The following ZNHIT2 variants were observed in gnomAD, a reference collection of about 807,000 sequenced individuals.
The protein encoded by ZNHIT2 is zinc finger HIT domain-containing protein 2.
In ZNHIT2, 16 loss-of-function variants were observed where a neutral mutation model predicts 18.0. The ratio of observed to expected loss-of-function variants is 0.89; its 90% CI spans 0.60 to 1.35. The LOEUF (loss-of-function observed/expected upper bound fraction) is 1.35, where lower values mean the gene tolerates loss of function less well. ZNHIT2 is among the 40% of genes most tolerant of loss of function. The pLI, the probability that ZNHIT2 is intolerant of heterozygous loss-of-function variation, is 0.00. For synonymous variants in ZNHIT2, 336 were observed against 269.8 expected, an observed-to-expected ratio of 1.25 and a Z score of -2.41; for missense variants, 631 against 566.4, an observed-to-expected ratio of 1.11 and a Z score of -1.16.
Position 65,116,736 on chromosome 11 carries a change from C to A in ZNHIT2, c.918G>T (p.Thr306=), listed in dbSNP as rs1336879005. 6.2e-7 allele frequency: 1 copy of A among 1,612,054 alleles called. No homozygotes were observed. The highest frequency in any genetic ancestry group is 8.5e-7 in the Non-Finnish European group (1 of 1,178,690). Residue 306 remains threonine, a synonymous_variant, in exon 1 of 1, where the codon ACG becomes ACT. Coordinates refer to ENST00000310597, the MANE Select transcript of ZNHIT2 (RefSeq NM_014205.4). ...GTGCCAGGTCCCCCAGTGCTGCCAG[C>A]GTGTAGCCTTTCTGGTTGGTCGGGC... The part of the protein sequence containing the change: ...GEGPTNQKGY[T]LAALGDLAQT...
chr11:65,116,934 G>A lies in ZNHIT2; in HGVS notation c.720C>T (p.Phe240=). The change falls in exon 1 of 1, where the codon TTC becomes TTT. Residue 240 remains phenylalanine, a synonymous_variant. Coordinates refer to ENST00000310597, the MANE Select transcript of ZNHIT2 (RefSeq NM_014205.4). ...HGGDDALLSD[F]CATLLGVSGA... ...CGGAAACGCCGAGCAGTGTGGCACA[G>A]AAGTCAGAGAGCAGCGCGTCGTCAC... 6.3e-7 allele frequency: 1 copy of A among 1,597,444 alleles called. No individual in the cohort carries two copies. The highest frequency in any genetic ancestry group is 2.2e-5 in the East Asian group (1 of 44,604).
In ZNHIT2 at chr11:65,117,115, A is replaced by G; in HGVS notation, c.539T>C (p.Val180Ala). The G allele has an allele frequency of 6.3e-7, 1 of 1,582,532 alleles. No individual in the cohort carries two copies. The highest frequency in any genetic ancestry group is 2.3e-5 in the East Asian group (1 of 44,140). The change falls in exon 1 of 1, where the codon GTT (valine) becomes GCT (alanine). Residue 180 changes from valine to alanine, a missense_variant. Physicochemically the swap from Val to Ala is moderately conservative, Grantham distance 64 (BLOSUM62 0). Transcript: ENST00000310597. Reference protein sequence around the residue: ...SAAEPAAAERVLGDVPGACTP... With the variant: ...SAAEPAAAERALGDVPGACTP... ...GCAGGCCCCCGGGACATCTCCAAGA[A>G]CCCGCTCGGCGGCCGCGGGCTCCGC...
Position 65,117,447 on chromosome 11 carries a change from G to C in ZNHIT2, c.207C>G (p.Arg69=), listed in dbSNP as rs776154831. ...APPSRLASAL[R]RLRQQRETED... ...CGGTCTCGCGTTGCTGACGCAGCCG[G>C]CGTAGGGCGCTTGCTAGGCGGCTGG... Residue 69 remains arginine, a synonymous_variant, in exon 1 of 1, where the codon CGC becomes CGG. Coordinates refer to ENST00000310597, the MANE Select transcript of ZNHIT2 (RefSeq NM_014205.4). 1.2e-5 allele frequency: 19 copies of C among 1,526,138 alleles called. No homozygotes were observed. Among genetic ancestry groups the C allele is most frequent in the Non-Finnish European group, 1.7e-5 (19 of 1,143,964 alleles). The allele number at this position is 1,526,138 out of a possible 1,614,324, so 94.5% of individuals were successfully genotyped here. A position where few individuals can be genotyped will look rare whatever the true frequency, so the allele number is the denominator to read the frequency against.
chr11:65,116,617 C>T lies in ZNHIT2; in HGVS notation c.1037G>A (p.Trp346Ter). ...GAGGGCCGCCTCATTTTCGTTGGTC[C>T]AGGCCAGGAGGAACTGGCACTTTTT... Reference protein sequence around the residue: ...ARKKCQFLLAWTNENEAALTP... With the variant: ...ARKKCQFLLA Residue 346 changes from tryptophan to a stop codon, truncating the protein, a stop_gained, in exon 1 of 1, where the codon TGG (tryptophan) becomes TAG (stop). Coordinates refer to ENST00000310597, the MANE Select transcript of ZNHIT2 (RefSeq NM_014205.4). LOFTEE classifies it high-confidence loss of function. The T allele has an allele frequency of 1.2e-6, 2 of 1,613,472 alleles. No individual in the cohort carries two copies. Among genetic ancestry groups the T allele is most frequent in the Middle Eastern group, 1.7e-4 (1 of 6,060 alleles).
At position 65,117,677 on chromosome 11, in the gene ZNHIT2, T is replaced by C. The variant is rs1227501076; in HGVS notation, c.-24A>G. 9 of 1,362,816 alleles carry C rather than the reference T, an allele frequency of 6.6e-6. No individual in the cohort carries two copies. The highest frequency in any genetic ancestry group is 1.5e-5 in the African/African-American group (1 of 65,754). The allele number at this position is 1,362,816 out of a possible 1,614,324, so 84.4% of individuals were successfully genotyped here. On this transcript the variant is annotated 5_prime_UTR_variant, in exon 1 of 1. Coordinates refer to ENST00000310597, the MANE Select transcript of ZNHIT2 (RefSeq NM_014205.4). Reference sequence around the variant, plus strand: ...ATGGCAACTGGCACCGCGATCTACCTGCGAACGCACGCCGGTGGTAGTTCG... The same window carrying C: ...ATGGCAACTGGCACCGCGATCTACCCGCGAACGCACGCCGGTGGTAGTTCG...
At position 65,116,729 on chromosome 11, in the gene ZNHIT2, C is replaced by CT. The variant is rs772391917; in HGVS notation, c.924dup (p.Ala309SerfsTer19). 6.2e-7 allele frequency: 1 copy of CT among 1,612,774 alleles called. No homozygotes were observed. Among genetic ancestry groups the CT allele is most frequent in the Admixed American group, 1.7e-5 (1 of 60,004 alleles). On this transcript the variant is annotated frameshift_variant, in exon 1 of 1. Transcript: ENST00000310597. LOFTEE classifies it high-confidence loss of function. The stretch of plus-strand genomic sequence containing the variant: ...AGGGTCTGTGCCAGGTCCCCCAGTG[C>CT]TGCCAGCGTGTAGCCTTTCTGGTTG...
chr11:65,116,949 C>T lies in ZNHIT2; in HGVS notation c.705G>A (p.Ala235=), dbSNP rs1167578256. Residue 235 remains alanine, a synonymous_variant, in exon 1 of 1, where the codon GCG becomes GCA. Coordinates refer to ENST00000310597, the MANE Select transcript of ZNHIT2 (RefSeq NM_014205.4). ...TLALYHGGDD[A]LLSDFCATLL... is the part of the protein sequence containing the mutation. ...GTGTGGCACAGAAGTCAGAGAGCAG[C>T]GCGTCGTCACCGCCGTGATACAGGG... is the stretch of plus-strand genomic sequence containing the variant. 6.3e-7 allele frequency: 1 copy of T among 1,597,612 alleles called. No homozygotes were observed. Among genetic ancestry groups the T allele is most frequent in the Non-Finnish European group, 8.5e-7 (1 of 1,176,286 alleles).
Position 65,117,100 on chromosome 11 carries a change from G to T in ZNHIT2, c.554C>A (p.Pro185Gln). 1 of 1,591,250 alleles carries T rather than the reference G, an allele frequency of 6.3e-7. No homozygotes were observed. ...GGGTACGACGGGCGTGCAGGCCCCC[G>T]GGACATCTCCAAGAACCCGCTCGGC... ...AAAERVLGDV[P>Q]GACTPVVPTR... Residue 185 changes from proline to glutamine, a missense_variant, in exon 1 of 1, where the codon CCG (proline) becomes CAG (glutamine). Transcript: ENST00000310597.
Position 65,117,296 on chromosome 11 carries a change from C to A in ZNHIT2, c.358G>T (p.Gly120Trp), listed in dbSNP as rs779521475. The A allele has an allele frequency of 4.0e-6, 6 of 1,486,266 alleles. No individual in the cohort carries two copies. Among genetic ancestry groups the A allele is most frequent in the Middle Eastern group, 1.9e-4 (1 of 5,396 alleles). The allele number at this position is 1,486,266 out of a possible 1,614,324, so 92.1% of individuals were successfully genotyped here. A position where few individuals can be genotyped will look rare whatever the true frequency, so the allele number is the denominator to read the frequency against. The part of the protein sequence containing the change: ...FERLLSRGEA[G>W]RLLPPWRPWW... ...GGCCGCCATGGAGGCAGCAGCCGCC[C>A]GGCCTCACCGCGGCTCAGCAGCCGC... The change falls in exon 1 of 1, where the codon GGG becomes TGG. Residue 120 changes from glycine (G) to tryptophan (W), a missense_variant. Gly to Trp is a radical substitution (Grantham distance 184, BLOSUM62 -2). Transcript: ENST00000310597.
rs906143209 is a variant in ZNHIT2, at chr11:65,117,549, G to A, written c.105C>T (p.Tyr35=). The change falls in exon 1 of 1, where the codon TAC becomes TAT. Residue 35 remains tyrosine, a synonymous_variant. Coordinates refer to ENST00000310597, the MANE Select transcript of ZNHIT2 (RefSeq NM_014205.4). ...TTTCTGCGCAGGTGCCATGCGTCCG[G>A]TAGCAGCGCAGCGAGCAGTAGGGCG... ...CNAPYCSLRC[Y]RTHGTCAENF... 3 of 1,589,822 alleles carry A rather than the reference G, an allele frequency of 1.9e-6. No homozygotes were observed. The highest frequency in any genetic ancestry group is 2.7e-5 in the African/African-American group (2 of 74,362).
At position 65,117,072 on chromosome 11, in the gene ZNHIT2, G is replaced by C. The variant is rs759906298; in HGVS notation, c.582C>G (p.Thr194=). 2 of 1,593,492 alleles carry C rather than the reference G, an allele frequency of 1.3e-6. No homozygotes were observed. Among genetic ancestry groups the C allele is most frequent in the Non-Finnish European group, 1.7e-6 (2 of 1,172,716 alleles). Residue 194 remains threonine (T), a synonymous_variant, in exon 1 of 1, where the codon ACC becomes ACG. Coordinates refer to ENST00000310597, the MANE Select transcript of ZNHIT2 (RefSeq NM_014205.4). The part of the protein sequence containing the change: ...VPGACTPVVP[T]RIPAIVSLSR... ...TCAGGCTGACTATCGCGGGGATGCG[G>C]GTGGGTACGACGGGCGTGCAGGCCC...
rs767692362 is a variant in ZNHIT2 at position 65,116,801 on chromosome 11, C to T, written c.853G>A (p.Gly285Arg). ...ATGCGGGCGACCTCGTGCATAGCCC[C>T]TCGTGTGCCCAGGGGCCCCGGCGGG... Reference protein sequence around the residue: ...EHPPGPLGTRGAMHEVARILL... With the variant: ...EHPPGPLGTRRAMHEVARILL... The change falls in exon 1 of 1, where the codon GGG becomes AGG. Residue 285 changes from glycine to arginine, a missense_variant. Physicochemically the swap from Gly to Arg is moderately radical, Grantham distance 125 (BLOSUM62 -2). Coordinates refer to ENST00000310597, the MANE Select transcript of ZNHIT2 (RefSeq NM_014205.4). 5 of 1,609,572 alleles carry T rather than the reference C, an allele frequency of 3.1e-6. No individual in the cohort carries two copies. In the Admixed American group the frequency reaches 8.4e-5, roughly 27 times the overall value.
chr11:65,117,599 G>A lies in ZNHIT2; in HGVS notation c.55C>T (p.Arg19Cys), dbSNP rs762385797. 2.0e-6 allele frequency: 3 copies of A among 1,534,842 alleles called. No individual in the cohort carries two copies. In the South Asian group the frequency reaches 3.6e-5, roughly 19 times the overall value. The change falls in exon 1 of 1, where the codon CGT becomes TGT. Residue 19 changes from arginine (R) to cysteine (C), a missense_variant. Arg to Cys is a radical substitution (Grantham distance 180). Coordinates refer to ENST00000310597, the MANE Select transcript of ZNHIT2 (RefSeq NM_014205.4). ...FCPAGEVQPA[R>C]YTCPRCNAPY... ...GCATTACAGCGAGGGCAGGTGTAACGCGCTGGCTGGACCTCCCCCGCCGGG... is the reference window on the plus strand; with the variant it reads ...GCATTACAGCGAGGGCAGGTGTAACACGCTGGCTGGACCTCCCCCGCCGGG...
chr11:65,117,553 C>G lies in ZNHIT2; in HGVS notation c.101G>C (p.Cys34Ser). 6.3e-7 allele frequency: 1 copy of G among 1,589,010 alleles called. No individual in the cohort carries two copies. Among genetic ancestry groups the G allele is most frequent in the East Asian group, 2.3e-5 (1 of 43,548 alleles). ...RCNAPYCSLR[C>S]YRTHGTCAEN... ...TGCGCAGGTGCCATGCGTCCGGTAG[C>G]AGCGCAGCGAGCAGTAGGGCGCATT... Residue 34 changes from cysteine (C) to serine (S), a missense_variant, in exon 1 of 1, where the codon TGC becomes TCC. By Grantham distance (112) the Cys-to-Ser change is moderately radical. Coordinates refer to ENST00000310597, the MANE Select transcript of ZNHIT2 (RefSeq NM_014205.4).
chr11:65,117,423 G>A lies in ZNHIT2; in HGVS notation c.231C>T (p.Thr77=), dbSNP rs1476267699. 6.0e-6 allele frequency: 9 copies of A among 1,495,188 alleles called. No homozygotes were observed. In the East Asian group the frequency reaches 2.0e-4, roughly 34 times the overall value. 92.6% of individuals were successfully genotyped at this position (1,495,188 alleles called of 1,614,324 possible). ...GGCCTGCTTCCCCAGGCTCGTCCTCGGTCTCGCGTTGCTGACGCAGCCGGC... is the reference window on the plus strand; with the variant it reads ...GGCCTGCTTCCCCAGGCTCGTCCTCAGTCTCGCGTTGCTGACGCAGCCGGC... ...ALRRLRQQRE[T]EDEPGEAGLS... Residue 77 remains threonine (T), a synonymous_variant, in exon 1 of 1, where the codon ACC becomes ACT. Coordinates refer to ENST00000310597, the MANE Select transcript of ZNHIT2 (RefSeq NM_014205.4).
chr11:65,116,759 G>A lies in ZNHIT2; in HGVS notation c.895C>T (p.Pro299Ser). The A allele has an allele frequency of 6.2e-7, 1 of 1,609,306 alleles. No homozygotes were observed. Among genetic ancestry groups the A allele is most frequent in the Non-Finnish European group, 8.5e-7 (1 of 1,176,720 alleles). Residue 299 changes from proline to serine, a missense_variant, in exon 1 of 1, where the codon CCG (proline) becomes TCG (serine). Physicochemically the swap from Pro to Ser is moderately conservative, Grantham distance 74. Coordinates refer to ENST00000310597, the MANE Select transcript of ZNHIT2 (RefSeq NM_014205.4). ...AGCGTGTAGCCTTTCTGGTTGGTCG[G>A]GCCCTCGCCCAGCAGGATGCGGGCG... ...EVARILLGEG[P>S]TNQKGYTLAA...
At position 65,116,415 on chromosome 11, in the gene ZNHIT2, G is replaced by A. The variant is rs754002267; in HGVS notation, c.*27C>T. 2.0e-6 allele frequency: 3 copies of A among 1,509,660 alleles called. No individual in the cohort carries two copies. The highest frequency in any genetic ancestry group is 2.7e-5 in the South Asian group (2 of 74,444). The allele number at this position is 1,509,660 out of a possible 1,614,324, so 93.5% of individuals were successfully genotyped here. A position where few individuals can be genotyped will look rare whatever the true frequency, so the allele number is the denominator to read the frequency against. On this transcript the variant is annotated 3_prime_UTR_variant, in exon 1 of 1. Transcript: ENST00000310597. ...CAAGCAACAGGGCTGACCAGTCACA[G>A]CTTTATTAATGACCAGGGTAACCCG...
At position 65,116,627 on chromosome 11, in the gene ZNHIT2, G is replaced by A. The variant is rs370685853; in HGVS notation, c.1027C>T (p.Leu343Phe). The A allele has an allele frequency of 4.3e-6, 7 of 1,613,890 alleles. No homozygotes were observed. The African/African-American group carries it at 9.3e-5, about 22-fold the overall frequency. ...TCATTTTCGTTGGTCCAGGCCAGGAGGAACTGGCACTTTTTCCGGGCCCGG... is the reference window on the plus strand; with the variant it reads ...TCATTTTCGTTGGTCCAGGCCAGGAAGAACTGGCACTTTTTCCGGGCCCGG... The part of the protein sequence containing the change: ...LYRARKKCQF[L>F]LAWTNENEAA... The change falls in exon 1 of 1, where the codon CTC becomes TTC. Residue 343 changes from leucine to phenylalanine, a missense_variant. By Grantham distance (22) the Leu-to-Phe change is conservative (BLOSUM62 0). Coordinates refer to ENST00000310597, the MANE Select transcript of ZNHIT2 (RefSeq NM_014205.4).
In ZNHIT2 at chr11:65,117,594, G is replaced by T; in HGVS notation, c.60C>A (p.Tyr20Ter). ...CPAGEVQPARYTCPRCNAPYC... is the reference protein window; with the variant it reads ...CPAGEVQPAR The stretch of plus-strand genomic sequence containing the variant: ...AGGGCGCATTACAGCGAGGGCAGGT[G>T]TAACGCGCTGGCTGGACCTCCCCCG... The change falls in exon 1 of 1, where the codon TAC becomes TAA. Residue 20 changes from tyrosine to a stop codon, truncating the protein, a stop_gained. Transcript: ENST00000310597. LOFTEE classifies it high-confidence loss of function. The T allele has an allele frequency of 6.5e-7, 1 of 1,547,162 alleles. No homozygotes were observed. Among genetic ancestry groups the T allele is most frequent in the Admixed American group, 2.0e-5 (1 of 50,946 alleles).
Sources: allele counts gnomAD v4.1 joint callset, GRCh38; gene constraint gnomAD v4.1.1; transcripts MANE v1.5; gene names NCBI Gene and HGNC (gene_info 2026-07-23, HGNC 2026-07-21).